Variants in TNFRSF1B observed in about 807,000 individuals in gnomAD.
TNFRSF1B encodes tumor necrosis factor receptor superfamily member 1B.
A neutral mutation model predicts 44.6 loss-of-function variants in TNFRSF1B; 19 were observed. That is an observed-to-expected ratio of 0.43 (90% CI 0.30 to 0.62). The LOEUF is 0.62. Ranked by LOEUF, TNFRSF1B falls within the 20% of genes least tolerant of loss-of-function variation. TNFRSF1B has a pLI of 0.16. For missense variants in TNFRSF1B, 541 were observed against 619.9 expected (o/e 0.87, Z 1.35); for synonymous variants, 252 against 261.1 (o/e 0.97, Z 0.34).
rs1638781866 is a variant in TNFRSF1B, at chr1:12,180,759, G to C, written c.79-8037G>C. Among the ~76,000 whole-genome samples the C allele has an allele frequency of 2.0e-5, 3 of 152,264 alleles. No homozygotes were observed. The highest frequency in any genetic ancestry group is 2.1e-4 in the South Asian group (1 of 4,818). On this transcript the variant is annotated intron_variant, in intron 1 of 9. Transcript: ENST00000376259. The surrounding 1 kb of genome is among the most constrained non-coding windows in gnomAD (Gnocchi z 4.3). ...ACCGGGTCAGCCTTACTCTTCCAGC[G>C]GGGTCTTTTCTTCCTGGAGCTCGGC...
chr1:12,189,414 G>C (rs1639061680), intron 2 of TNFRSF1B, among the ~76,000 whole-genome samples: 1 of 152,208 alleles, frequency 6.6e-6, no homozygotes, highest in Non-Finnish European at 1.5e-5. Flanking sequence ...TGAATCCCCA[G>C]CACGTGGCGC....
At chr1:12,183,736 T>TAG (rs1557629183) in intron 1 of TNFRSF1B, among the ~76,000 whole-genome samples, 4 of 126,554 alleles carry the variant, frequency 3.2e-5, no homozygotes, top group African/African-American at 1.1e-4. Context: ...TATCTATCTA[T>TAG]CTATCTATCT....
Position 12,207,150 on chromosome 1 carries a change from T to A in TNFRSF1B, c.*130T>A. 9.8e-7 allele frequency: 1 copy of A among 1,018,306 alleles called. No individual in the cohort carries two copies. The highest frequency in any genetic ancestry group is 1.4e-6 in the Non-Finnish European group (1 of 735,998). The allele number at this position is 1,018,306 out of a possible 1,614,324, so 63.1% of individuals were successfully genotyped here. A position where few individuals can be genotyped will look rare whatever the true frequency, so the allele number is the denominator to read the frequency against. ...AGGCTCTTTCTGGGCCAAGTTCCTC[T>A]AGTGCCCTCCACAGCCGCAGCCTCC... is the stretch of plus-strand genomic sequence containing the variant. On this transcript the variant is annotated 3_prime_UTR_variant, in exon 10 of 10. Coordinates refer to ENST00000376259, the MANE Select transcript of TNFRSF1B (RefSeq NM_001066.3).
At chr1:12,203,343 G>A (rs944929426) in intron 9 of TNFRSF1B, among the ~76,000 whole-genome samples, 1 of 152,148 alleles carries the variant, frequency 6.6e-6, no homozygotes, top group African/African-American at 2.4e-5. Context: ...CCTCTGGGCC[G>A]CCTCCAGGTG....
rs1639546216 is a variant in TNFRSF1B, at chr1:12,207,862, A to G, written c.*842A>G. 1 of 152,120 alleles carries G rather than the reference A, an allele frequency of 6.6e-6. No individual in the cohort carries two copies. The highest frequency in any genetic ancestry group is 1.5e-5 in the Non-Finnish European group (1 of 68,072). 9.4% of individuals were successfully genotyped at this position (152,120 alleles called of 1,614,324 possible). ...GAAGCGGAGGTTGCAGGGAGCCGAG[A>G]TCACGCCACTGCACTCCAGCCTGGG... On this transcript the variant is annotated 3_prime_UTR_variant, in exon 10 of 10. Coordinates refer to ENST00000376259, the MANE Select transcript of TNFRSF1B (RefSeq NM_001066.3).
chr1:12,191,962 G>C, intron 4 of TNFRSF1B, 39 bp downstream of exon 4: 1 of 1,592,618 alleles, frequency 6.3e-7, no homozygotes, highest in South Asian at 1.1e-5. Flanking sequence ...ACGCCCATGG[G>C]CCTCTCCTTT....
In TNFRSF1B at chr1:12,192,924, C is replaced by G. The variant is rs201545665; in HGVS notation, c.613C>G (p.Pro205Ala). The G allele has an allele frequency of 9.6e-4, 1,556 of 1,614,214 alleles. 13 individuals are homozygous for G. Among genetic ancestry groups the G allele is most frequent in the Non-Finnish European group, 2.7e-4 (321 of 1,180,024 alleles). The change falls in exon 6 of 10, where the codon CCC becomes GCC. Residue 205 changes from proline to alanine, a missense_variant. Pro to Ala is a conservative substitution (Grantham distance 27). Coordinates refer to ENST00000376259, the MANE Select transcript of TNFRSF1B (RefSeq NM_001066.3). The stretch of plus-strand genomic sequence containing the variant: ...GGATGCAGTCTGCACGTCCACGTCC[C>G]CCACCCGGAGTATGGCCCCAGGGGC... ...SMDAVCTSTS[P>A]TRSMAPGAVH...
intron 1 of TNFRSF1B, among the ~76,000 whole-genome samples, chr1:12,183,116 C>G (rs1047602059): frequency 6.6e-6 from 1 of 152,214 alleles, no homozygotes; most frequent in Non-Finnish European, 1.5e-5. Context: ...AGCAGGTGCT[C>G]GGTACCGATG....
At chr1:12,201,868 C>A in intron 8 of TNFRSF1B, 99 bp from the exon 9 acceptor site, 3 of 1,446,908 alleles carry the variant, frequency 2.1e-6, no homozygotes, top group Non-Finnish European at 2.8e-6. Flanking sequence ...CTGAGAAGTG[C>A]TGATGGCAGG....
intron 8 of TNFRSF1B, among the ~76,000 whole-genome samples, chr1:12,201,171 G>T (rs2101123162): frequency 6.7e-6 from 1 of 148,228 alleles, no homozygotes; most frequent in South Asian, 2.1e-4. Flanking sequence ...GAGGCAGGAG[G>T]ATCACTTGAG....
intron 1 of TNFRSF1B, among the ~76,000 whole-genome samples, chr1:12,183,863 C>G (rs1039480530): frequency 6.6e-6 from 1 of 151,934 alleles, no homozygotes; most frequent in African/African-American, 2.4e-5. Flanking sequence ...ACCTACCTAC[C>G]TACCTACATA....
intron 1 of TNFRSF1B, among the ~76,000 whole-genome samples, chr1:12,182,867 T>C (rs959776253): frequency 2.6e-5 from 4 of 152,090 alleles, no homozygotes; most frequent in Admixed American, 1.3e-4. Context: ...GGCTGCATGG[T>C]GGGAGGAGCT....
chr1:12,200,281 C>T lies in TNFRSF1B; in HGVS notation c.901-1686C>T, dbSNP rs374414732. Among the ~76,000 whole-genome samples, 7 of 151,958 alleles carry T rather than the reference C, an allele frequency of 4.6e-5. No homozygotes were observed. The South Asian group carries it at 8.3e-4, about 18-fold the overall frequency. ...AGCTAATAATATTATTATTATTCTA[C>T]GGGAAGAAGACATCAGGGGAAGTTG... is the stretch of plus-strand genomic sequence containing the variant. On this transcript the variant is annotated intron_variant, in intron 8 of 9. Coordinates refer to ENST00000376259, the MANE Select transcript of TNFRSF1B (RefSeq NM_001066.3).
intron 1 of TNFRSF1B, among the ~76,000 whole-genome samples, chr1:12,174,146 CTTCTTCTT>C (rs1638585623): frequency 9.1e-5 from 8 of 87,768 alleles, no homozygotes; most frequent in Non-Finnish European, 1.3e-4. Context: ...TCTTCTTCTT[CTTCTTCTT>C]CTTCTTCTTC....
At chr1:12,183,128 G>A (rs185586803) in intron 1 of TNFRSF1B, among the ~76,000 whole-genome samples, 8 of 152,342 alleles carry the variant, frequency 5.3e-5, no homozygotes, top group African/African-American at 1.9e-4. Flanking sequence ...GTACCGATGA[G>A]CTACCGCTAA....
chr1:12,167,230 C>T (rs1276591650), intron 1 of TNFRSF1B, 61 bp downstream of exon 1: 2 of 1,195,610 alleles, frequency 1.7e-6, no homozygotes, highest in Non-Finnish European at 2.1e-6. Flanking sequence ...GGCTGGTGCG[C>T]AGCCTTCGGG....
In TNFRSF1B at chr1:12,187,438, C is replaced by T. The variant is rs606380; in HGVS notation, c.79-1358C>T. Among the ~76,000 whole-genome samples the T allele has an allele frequency of 6.1e-3, 925 of 152,304 alleles. 7 individuals are homozygous for T. Among genetic ancestry groups the T allele is most frequent in the African/African-American group, 0.021 (864 of 41,554 alleles). On this transcript the variant is annotated intron_variant, in intron 1 of 9. Coordinates refer to ENST00000376259, the MANE Select transcript of TNFRSF1B (RefSeq NM_001066.3). This position sits in a 1 kb window ranked among gnomAD's most constrained non-coding sequence, Gnocchi z 5.5. ...AAAGTGCTGGGATTACAGGTGTGAG[C>T]CACCACACCTGGCCCTCTCTCTCTT... is the stretch of plus-strand genomic sequence containing the variant.
chr1:12,185,087 C>G (rs923852412), intron 1 of TNFRSF1B, among the ~76,000 whole-genome samples: 1 of 152,030 alleles, frequency 6.6e-6, no homozygotes, highest in Non-Finnish European at 1.5e-5. Flanking sequence ...CCAGGAAGAC[C>G]CTCTGCCGCA....
At position 12,186,401 on chromosome 1, in the gene TNFRSF1B, C is replaced by G. The variant is rs1638988191; in HGVS notation, c.79-2395C>G. On this transcript the variant is annotated intron_variant, in intron 1 of 9. Coordinates refer to ENST00000376259, the MANE Select transcript of TNFRSF1B (RefSeq NM_001066.3). This position sits in a 1 kb window ranked among gnomAD's most constrained non-coding sequence, Gnocchi z 4.8. ...GAAATTTGGCCAGGTCTGCACTGGC[C>G]CAGCGGTGCTGGGTGTCGTGACTGG... 6.6e-6 allele frequency among the ~76,000 whole-genome samples: 1 copy of G among 152,230 alleles called. No individual in the cohort carries two copies. The highest frequency in any genetic ancestry group is 2.4e-5 in the African/African-American group (1 of 41,456).
Sources: allele counts gnomAD v4.1 joint callset (sites outside exome capture counted in the v4.1 genomes callset), GRCh38; gene constraint gnomAD v4.1.1; non-coding constraint Gnocchi (gnomAD v3.1); transcripts MANE v1.5; gene names NCBI Gene and HGNC (gene_info 2026-07-23, HGNC 2026-07-21).